ITFG1: variants seen among roughly 807,000 people sequenced by gnomAD.
ITFG1 encodes integrin alpha FG-GAP repeat containing 1.
In ITFG1, 34 loss-of-function variants were observed where a neutral mutation model predicts 81.8. The observed-to-expected ratio is 0.42, with a 90% CI of 0.32 to 0.55. The LOEUF (loss-of-function observed/expected upper bound fraction) is 0.55, where lower values mean the gene tolerates loss of function less well. Among genes scored for constraint, ITFG1 ranks in the 20% least tolerant of loss-of-function variants. ITFG1 has a pLI of 0.17. For missense variants in ITFG1, 672 were observed against 755.4 expected (o/e 0.89, Z 1.29); for synonymous variants, 285 against 270.6 (o/e 1.05, Z -0.52).
chr16:47,313,535 A>T (rs1049922406), intron 9 of ITFG1, among the ~76,000 whole-genome samples, 194 bp downstream of exon 9: 4 of 152,226 alleles, frequency 2.6e-5, no homozygotes, highest in African/African-American at 9.6e-5. Context: ...AGAAATAATT[A>T]TAACAATGAT....
chr16:47,336,850 C>G (rs1421364898), intron 8 of ITFG1, among the ~76,000 whole-genome samples: 1 of 151,864 alleles, frequency 6.6e-6, no homozygotes. Flanking sequence ...GTAATCCCAG[C>G]TACTCGGGAG....
At chr16:47,176,986 C>A (rs1383832024) in intron 14 of ITFG1, among the ~76,000 whole-genome samples, 1 of 148,720 alleles carries the variant, frequency 6.7e-6, no homozygotes, top group East Asian at 2.0e-4. Flanking sequence ...AGAGATGGGG[C>A]CTTGCTCTGT....
At chr16:47,235,442 G>C (rs1965862690) in intron 13 of ITFG1, among the ~76,000 whole-genome samples, 1 of 152,194 alleles carries the variant, frequency 6.6e-6, no homozygotes, top group Non-Finnish European at 1.5e-5. Context: ...AATGAAATTA[G>C]GGTTTCAAAA....
At chr16:47,424,699 C>A (rs562187333) in intron 6 of ITFG1, among the ~76,000 whole-genome samples, 1 of 151,884 alleles carries the variant, frequency 6.6e-6, no homozygotes, top group Admixed American at 6.5e-5. Flanking sequence ...CCCTCAGCTG[C>A]AGGTCTGTTG....
At position 47,256,656 on chromosome 16, in the gene ITFG1, C is replaced by T. The variant is rs1177766096; in HGVS notation, c.1330+1976G>A. The stretch of plus-strand genomic sequence containing the variant: ...TTAAAAGTATAGAAATGATTAGACT[C>T]ATGTATCAGTATTTTGTGGCTGCAG... On this transcript the variant is annotated intron_variant, in intron 12 of 17. Coordinates refer to ENST00000320640, the MANE Select transcript of ITFG1 (RefSeq NM_030790.5). 3.3e-5 allele frequency among the ~76,000 whole-genome samples: 5 copies of T among 152,122 alleles called. No individual in the cohort carries two copies. The East Asian group carries it at 9.6e-4, about 29-fold the overall frequency.
Position 47,459,164 on chromosome 16 carries a change from T to C in ITFG1, c.220A>G (p.Ile74Val), listed in dbSNP as rs748120977. The change falls in exon 2 of 18, where the codon ATC becomes GTC. Residue 74 changes from isoleucine to valine, a missense_variant. Physicochemically the swap from Ile to Val is conservative, Grantham distance 29 (BLOSUM62 3). Coordinates refer to ENST00000320640, the MANE Select transcript of ITFG1 (RefSeq NM_030790.5). ...LFVLRERNDL[I>V]VFLADQNAPY... is the part of the protein sequence containing the mutation. ...GCATTCTGGTCTGCCAAAAAGACGA[T>C]TAAGTCATTTCCTAAAGAAAACAAA... 1 of 1,594,732 alleles carries C rather than the reference T, an allele frequency of 6.3e-7. No individual in the cohort carries two copies. Among genetic ancestry groups the C allele is most frequent in the South Asian group, 1.1e-5 (1 of 90,620 alleles).
intron 2 of ITFG1, among the ~76,000 whole-genome samples, chr16:47,454,414 T>C (rs1157887002): frequency 1.3e-5 from 2 of 152,226 alleles, no homozygotes; most frequent in Non-Finnish European, 2.9e-5. Flanking sequence ...GTGTTTATTA[T>C]GTTCAAGCAA....
intron 8 of ITFG1, among the ~76,000 whole-genome samples, chr16:47,343,387 A>G (rs1269330530): frequency 6.6e-6 from 1 of 152,148 alleles, no homozygotes; most frequent in East Asian, 1.9e-4. Flanking sequence ...CTTAGTGAAA[A>G]GACAACTCAC....
At chr16:47,203,570 A>G (rs1186265311) in intron 14 of ITFG1, among the ~76,000 whole-genome samples, 2 of 152,180 alleles carry the variant, frequency 1.3e-5, no homozygotes, top group Non-Finnish European at 2.9e-5. Flanking sequence ...TCTCATAAGG[A>G]GCGTGCAGCC....
At chr16:47,430,093 T>C (rs1042308461) in intron 5 of ITFG1, among the ~76,000 whole-genome samples, 2 of 150,520 alleles carry the variant, frequency 1.3e-5, no homozygotes, top group Admixed American at 6.6e-5. Context: ...AGTCTCGCTC[T>C]GTCACCCAGG....
Position 47,199,096 on chromosome 16 carries a change from A to C in ITFG1, c.1453+19772T>G, listed in dbSNP as rs140607346. ...CAAGACCAGCCTAGGCAACATGGTG[A>C]AACCCTATCTCTATTAAAAATACAA... On this transcript the variant is annotated intron_variant, in intron 14 of 17. Coordinates refer to ENST00000320640, the MANE Select transcript of ITFG1 (RefSeq NM_030790.5). Among the ~76,000 whole-genome samples, 557 of 152,280 alleles carry C rather than the reference A, an allele frequency of 3.7e-3. 4 individuals are homozygous for C. Among genetic ancestry groups the C allele is most frequent in the African/African-American group, 0.012 (517 of 41,564 alleles).
At chr16:47,439,289 G>T (rs999255014) in intron 5 of ITFG1, among the ~76,000 whole-genome samples, 3 of 152,094 alleles carry the variant, frequency 2.0e-5, no homozygotes, top group African/African-American at 7.2e-5. Context: ...GAACTTCCCC[G>T]ATCTAGCAAG....
chr16:47,443,443 G>T (rs1178302558), intron 5 of ITFG1, among the ~76,000 whole-genome samples: 4 of 152,100 alleles, frequency 2.6e-5, no homozygotes, highest in Admixed American at 2.0e-4. Context: ...AAAGATACAT[G>T]CACACGTATG....
chr16:47,283,039 T>C (rs1200119520), intron 10 of ITFG1, among the ~76,000 whole-genome samples: 3 of 152,170 alleles, frequency 2.0e-5, no homozygotes, highest in Non-Finnish European at 1.5e-5. Context: ...GCTGTCTGCT[T>C]ACTCTGTTCA....
At chr16:47,189,395 A>C (rs1965265560) in intron 14 of ITFG1, among the ~76,000 whole-genome samples, 1 of 152,070 alleles carries the variant, frequency 6.6e-6, no homozygotes, top group South Asian at 2.1e-4. Flanking sequence ...CCTGGTAACC[A>C]CTACTGTCCT....
chr16:47,180,102 C>T (rs1003046302), intron 14 of ITFG1, among the ~76,000 whole-genome samples: 5 of 152,078 alleles, frequency 3.3e-5, no homozygotes, highest in South Asian at 4.2e-4. Flanking sequence ...GCTCTATTCC[C>T]GGGGAATACA....
intron 8 of ITFG1, among the ~76,000 whole-genome samples, chr16:47,336,655 C>T (rs1165830666): frequency 1.3e-5 from 2 of 152,090 alleles, no homozygotes. Context: ...GGAGAAAAAG[C>T]TAAGGGAAAT....
chr16:47,180,400 C>A (rs1237640825), intron 14 of ITFG1, among the ~76,000 whole-genome samples: 1 of 151,904 alleles, frequency 6.6e-6, no homozygotes, highest in African/African-American at 2.4e-5. Flanking sequence ...GTCTCCCTCT[C>A]CCTCTCTTTC....
At chr16:47,282,003 C>T (rs1203882902) in intron 10 of ITFG1, among the ~76,000 whole-genome samples, 1 of 151,958 alleles carries the variant, frequency 6.6e-6, no homozygotes, top group Non-Finnish European at 1.5e-5. Context: ...CACATCCCCT[C>T]AGCTTCATGG....
Sources: gnomAD v4.1 joint callset for allele counts (sites outside exome capture counted in the v4.1 genomes callset) on GRCh38, gnomAD v4.1.1 for gene constraint, MANE v1.5 for transcripts, NCBI Gene and HGNC (gene_info 2026-07-23, HGNC 2026-07-21) for gene names.